TSG101: variants seen among roughly 807,000 people sequenced by gnomAD.
TSG101 encodes the protein tumor susceptibility 101.
In TSG101, 19 loss-of-function variants were observed where a neutral mutation model predicts 48.5. That is an observed-to-expected ratio of 0.39 (90% CI 0.27 to 0.58). The LOEUF (loss-of-function observed/expected upper bound fraction) is 0.58, where lower values mean the gene tolerates loss of function less well. Among genes scored for constraint, TSG101 ranks in the 20% least tolerant of loss-of-function variants. The pLI is 0.55. For synonymous variants in TSG101, 174 were observed against 169.4 expected (o/e 1.03, Z -0.21); for missense variants, 365 against 484.4 (o/e 0.75, Z 2.31).
intron 1 of TSG101, among the ~76,000 whole-genome samples, chr11:18,521,238 G>C (rs2133933846): frequency 6.6e-6 from 1 of 150,642 alleles, no homozygotes; most frequent in South Asian, 2.1e-4. Flanking sequence ...CACTGAAATT[G>C]TTCATTAAGG....
chr11:18,504,806 C>G (rs1349215007), intron 6 of TSG101, among the ~76,000 whole-genome samples: 1 of 152,164 alleles, frequency 6.6e-6, no homozygotes. Flanking sequence ...CTGCTTTTTA[C>G]TAGCAATTGT....
intron 1 of TSG101, among the ~76,000 whole-genome samples, chr11:18,520,838 C>T (rs1464313132): frequency 6.6e-6 from 1 of 152,026 alleles, no homozygotes; most frequent in Non-Finnish European, 1.5e-5. Context: ...CGAGACCAGC[C>T]TGGCCAACAC....
At chr11:18,496,780 C>T (rs1481654592) in intron 7 of TSG101, among the ~76,000 whole-genome samples, 1 of 151,994 alleles carries the variant, frequency 6.6e-6, no homozygotes, top group African/African-American at 2.4e-5. Context: ...AGCAAGAGAG[C>T]AAGATCCTGT....
chr11:18,526,845 C>T lies in TSG101; in HGVS notation c.-29G>A. On this transcript the variant is annotated 5_prime_UTR_variant, in exon 1 of 10. Transcript: ENST00000251968. ...GGCCGCCTGGCGACTCCCTTCCCCG[C>T]AGGCAGAGGGTCAGCCGCTGCTGGG... 1 of 1,596,148 alleles carries T rather than the reference C, an allele frequency of 6.3e-7. No homozygotes were observed.
chr11:18,500,834 C>T (rs547044098), intron 7 of TSG101, among the ~76,000 whole-genome samples: 1 of 151,150 alleles, frequency 6.6e-6, no homozygotes, highest in East Asian at 1.9e-4. Context: ...GACAAGGTCT[C>T]GCTCTGTTGC....
chr11:18,505,504 C>T (rs1415537524), intron 6 of TSG101, among the ~76,000 whole-genome samples: 1 of 152,120 alleles, frequency 6.6e-6, no homozygotes, highest in African/African-American at 2.4e-5. Context: ...ATCCCTACCT[C>T]GGCCTCCCAA....
At chr11:18,503,460 C>T (rs1849919959) in intron 6 of TSG101, among the ~76,000 whole-genome samples, 1 of 150,808 alleles carries the variant, frequency 6.6e-6, no homozygotes, top group Admixed American at 6.6e-5. Context: ...GCAAGCTCCA[C>T]TTCCTGGGTT....
At chr11:18,493,690 A>G (rs1273303065) in intron 7 of TSG101, among the ~76,000 whole-genome samples, 1 of 152,194 alleles carries the variant, frequency 6.6e-6, no homozygotes, top group Non-Finnish European at 1.5e-5. Context: ...CTAGACCGAG[A>G]ACATATGAGG....
At chr11:18,494,726 A>G (rs932748899) in intron 7 of TSG101, among the ~76,000 whole-genome samples, 6 of 152,122 alleles carry the variant, frequency 3.9e-5, no homozygotes, top group African/African-American at 1.4e-4. Context: ...GAGGCACCCA[A>G]ACCTGCACAC....
chr11:18,525,747 T>C, intron 1 of TSG101: 1 of 897,368 alleles, frequency 1.1e-6, no homozygotes. Flanking sequence ...AAGCCTAAAA[T>C]ATACGATTAC....
At chr11:18,519,420 T>C (rs1850231711) in intron 2 of TSG101, 99 bp downstream of exon 2, 10 of 981,684 alleles carry the variant, frequency 1.0e-5, no homozygotes, top group Admixed American at 4.7e-5. Context: ...AATCCCACAA[T>C]TGAAAAATCC....
At chr11:18,506,451 G>C (rs1055741252) in intron 6 of TSG101, among the ~76,000 whole-genome samples, 2 of 151,916 alleles carry the variant, frequency 1.3e-5, no homozygotes, top group South Asian at 2.1e-4. Context: ...CCAGCGCTTT[G>C]GGAGTCTGAG....
At chr11:18,499,396 ATATATAT>A (rs1321026640) in intron 7 of TSG101, among the ~76,000 whole-genome samples, 2 of 3,734 alleles carry the variant, frequency 5.4e-4, no homozygotes, top group Non-Finnish European at 1.2e-3. Context: ...ATATATATAT[ATATATAT>A]TTTTTTTTTT....
In TSG101 at chr11:18,514,687, T is replaced by C. The variant is rs1049867581; in HGVS notation, c.348A>G (p.Glu116=). The C allele has an allele frequency of 1.0e-5, 16 of 1,572,104 alleles. No individual in the cohort carries two copies. Among genetic ancestry groups the C allele is most frequent in the Non-Finnish European group, 7.7e-6 (9 of 1,167,416 alleles). ...NGKIYLPYLH[E]WKHPQSDLLG... is the part of the protein sequence containing the mutation. Reference sequence around the variant, plus strand: ...CACTATGAATACTTACGTGTTTCCATTCATGTAGATAAGGAAGATATATCT... The same window carrying C: ...CACTATGAATACTTACGTGTTTCCACTCATGTAGATAAGGAAGATATATCT... Residue 116 remains glutamate, a synonymous_variant, in exon 4 of 10, where the codon GAA becomes GAG. Transcript: ENST00000251968.
chr11:18,483,952 T>C lies in TSG101; in HGVS notation c.761A>G (p.Asn254Ser), dbSNP rs534405220. The stretch of plus-strand genomic sequence containing the variant: ...GTCTTCTTCTGTTCGTTTCAAGGCA[T>C]TGAGCTCTGCCTGGGCACGATCCAT... Reference protein sequence around the residue: ...EEMDRAQAELNALKRTEEDLK... With the variant: ...EEMDRAQAELSALKRTEEDLK... The change falls in exon 8 of 10, where the codon AAT (asparagine) becomes AGT (serine). Residue 254 changes from asparagine (N) to serine (S), a missense_variant. Transcript: ENST00000251968. The C allele has an allele frequency of 3.1e-6, 5 of 1,614,242 alleles. No individual in the cohort carries two copies. Among genetic ancestry groups the C allele is most frequent in the Non-Finnish European group, 4.2e-6 (5 of 1,180,038 alleles).
At chr11:18,499,374 A>T in intron 7 of TSG101, among the ~76,000 whole-genome samples, 10 of 30,586 alleles carry the variant, frequency 3.3e-4, no homozygotes, top group South Asian at 8.8e-4. Context: ...AAATATGTTT[A>T]TATTTAAATA....
chr11:18,511,629 T>C (rs1269806092), intron 4 of TSG101, among the ~76,000 whole-genome samples: 10 of 152,192 alleles, frequency 6.6e-5, no homozygotes, highest in Non-Finnish European at 8.8e-5. Context: ...GCCTCATGCA[T>C]GTAGGTGAAA....
rs866125113 is a variant in TSG101, at chr11:18,516,356, G to T, written c.128-192C>A. 7.4e-4 allele frequency among the ~76,000 whole-genome samples: 110 copies of T among 147,734 alleles called. No homozygotes were observed. The South Asian group carries it at 0.012, about 16-fold the overall frequency. On this transcript the variant is annotated intron_variant, in intron 2 of 9. Coordinates refer to ENST00000251968, the MANE Select transcript of TSG101 (RefSeq NM_006292.4). ...CAATGTCATTGATCAGCTCTTTTTTGTTTTTTTTTTCAGAGTCTCATCCTG... is the reference window on the plus strand; with the variant it reads ...CAATGTCATTGATCAGCTCTTTTTTTTTTTTTTTTTCAGAGTCTCATCCTG...
At chr11:18,514,904 A>C in intron 3 of TSG101, 63 bp from the exon 4 acceptor site, 1 of 1,420,104 alleles carries the variant, frequency 7.0e-7, no homozygotes, top group Non-Finnish European at 9.4e-7. Flanking sequence ...AAGAATGGTT[A>C]AAGGAACAGA....
Sources: gnomAD v4.1 joint callset for allele counts (sites outside exome capture counted in the v4.1 genomes callset) on GRCh38, gnomAD v4.1.1 for gene constraint, MANE v1.5 for transcripts, NCBI Gene and HGNC (gene_info 2026-07-23, HGNC 2026-07-21) for gene names.